The following CSNK1G3 variants were observed in gnomAD, a reference collection of about 807,000 sequenced individuals.
CSNK1G3 encodes the protein casein kinase I isoform gamma-3.
In CSNK1G3, 23 loss-of-function variants were observed where a neutral mutation model predicts 64.3. The observed-to-expected ratio is 0.36, with a 90% CI of 0.26 to 0.51. The LOEUF (loss-of-function observed/expected upper bound fraction) is 0.51, where lower values mean the gene tolerates loss of function less well. Ranked by LOEUF, CSNK1G3 falls within the 20% of genes least tolerant of loss-of-function variation. The pLI is 0.96. For synonymous variants in CSNK1G3, 158 were observed against 162.2 expected (o/e 0.97, Z 0.20); for missense variants, 357 against 510.5 (o/e 0.70, Z 2.90).
rs565586956 is a variant in CSNK1G3 at position 123,515,358 on chromosome 5, T to C, written c.-248+2788T>C. 8.5e-5 allele frequency among the ~76,000 whole-genome samples: 13 copies of C among 152,330 alleles called. No homozygotes were observed. In the South Asian group the frequency reaches 2.5e-3, roughly 29 times the overall value. ...ATTAAATAGAAGGAATGCTGAAGTA[T>C]TGAATAACAAAATATAGGTCATTGA... is the stretch of plus-strand genomic sequence containing the variant. On this transcript the variant is annotated intron_variant, in intron 1 of 12. Transcript: ENST00000345990.
intron 10 of CSNK1G3, among the ~76,000 whole-genome samples, chr5:123,591,690 A>G (rs762469821): frequency 4.6e-5 from 7 of 152,146 alleles, no homozygotes; most frequent in Non-Finnish European, 7.4e-5. Flanking sequence ...GAATTGTAAT[A>G]ACACTTGGAC....
At chr5:123,591,513 A>AT in intron 10 of CSNK1G3, 99 bp downstream of exon 10, 1 of 594,146 alleles carries the variant, frequency 1.7e-6, no homozygotes, top group Non-Finnish European at 2.8e-6. Context: ...GAAAATACAT[A>AT]TTTTTAATAG....
intron 6 of CSNK1G3, among the ~76,000 whole-genome samples, chr5:123,586,080 T>C (rs1020399820): frequency 1.3e-5 from 2 of 152,212 alleles, no homozygotes; most frequent in Non-Finnish European, 2.9e-5. Context: ...CATTGTAATA[T>C]ACTACTCAGC....
chr5:123,587,588 A>C (rs1323493150), intron 6 of CSNK1G3, among the ~76,000 whole-genome samples: 1 of 152,216 alleles, frequency 6.6e-6, no homozygotes, highest in Non-Finnish European at 1.5e-5. Flanking sequence ...TATTACACAC[A>C]ATACTCCATA....
chr5:123,512,811 G>C (rs984725030), intron 1 of CSNK1G3, among the ~76,000 whole-genome samples: 12 of 151,842 alleles, frequency 7.9e-5, no homozygotes, highest in African/African-American at 2.4e-4. Context: ...GGAGGGCTAG[G>C]GGGCAGCGGG....
At chr5:123,616,027 G>A (rs1407246676) in exon 13 of CSNK1G3, 1 of 152,006 alleles carries the variant, frequency 6.6e-6, no homozygotes, top group African/African-American at 2.4e-5. Flanking sequence ...GCACCCACAT[G>A]AACACCACAA....
At chr5:123,535,606 G>C (rs1780659602) in intron 1 of CSNK1G3, among the ~76,000 whole-genome samples, 1 of 152,192 alleles carries the variant, frequency 6.6e-6, no homozygotes, top group Non-Finnish European at 1.5e-5. Context: ...ACAGTTACCT[G>C]AATGTACTAA....
intron 1 of CSNK1G3, among the ~76,000 whole-genome samples, chr5:123,537,861 C>T (rs1016501889): frequency 2.6e-5 from 4 of 152,116 alleles, no homozygotes; most frequent in Non-Finnish European, 4.4e-5. Flanking sequence ...CCTACTTAAC[C>T]GCTGATAGGA....
rs10611933 is a variant in CSNK1G3 at position 123,583,359 on chromosome 5, G to GTT, written c.674-4692_674-4691dup. Among the ~76,000 whole-genome samples, 350 of 111,276 alleles carry GTT rather than the reference G, an allele frequency of 3.1e-3. 3 individuals are homozygous for GTT. Among genetic ancestry groups the GTT allele is most frequent in the African/African-American group, 0.01 (311 of 30,292 alleles). 73.0% of individuals were successfully genotyped at this position (111,276 alleles called of 152,430 possible). ...TGTTCGTTGTGAGTATAGAAATCCA[G>GTT]TTTTTTTTTTTTTTTTTTGAGACTG... On this transcript the variant is annotated intron_variant, in intron 6 of 12. Coordinates refer to ENST00000345990, the Ensembl canonical transcript of CSNK1G3.
intron 1 of CSNK1G3, among the ~76,000 whole-genome samples, chr5:123,534,024 G>A (rs1780400876): frequency 6.6e-6 from 1 of 151,602 alleles, no homozygotes; most frequent in Non-Finnish European, 1.5e-5. Context: ...CACGGATGGG[G>A]TTTATTGACT....
chr5:123,608,503 T>C (rs1255026167), intron 12 of CSNK1G3, among the ~76,000 whole-genome samples: 1 of 152,198 alleles, frequency 6.6e-6, no homozygotes, highest in East Asian at 1.9e-4. Context: ...CAAAATAATT[T>C]AGTTTAATTA....
rs974540191 is a variant in CSNK1G3 at position 123,598,048 on chromosome 5, C to G, written c.1086+6634C>G. On this transcript the variant is annotated intron_variant, in intron 10 of 12. Coordinates refer to ENST00000345990, the Ensembl canonical transcript of CSNK1G3. The stretch of plus-strand genomic sequence containing the variant: ...TTTTTCTTATTTTATCTCTTTAGTT[C>G]AGTCATGTTAAGTCACTAGCTAAAA... Among the ~76,000 whole-genome samples the G allele has an allele frequency of 3.3e-5, 5 of 152,210 alleles. No homozygotes were observed. In the East Asian group the frequency reaches 5.8e-4, roughly 18 times the overall value.
intron 1 of CSNK1G3, among the ~76,000 whole-genome samples, chr5:123,538,724 G>A (rs1781217146): frequency 6.6e-6 from 1 of 152,116 alleles, no homozygotes; most frequent in African/African-American, 2.4e-5. Flanking sequence ...AGAACTTAAA[G>A]TATAATAATT....
intron 3 of CSNK1G3, among the ~76,000 whole-genome samples, chr5:123,556,766 G>GTGTGTGTT (rs1784704028): frequency 3.8e-5 from 1 of 26,454 alleles, no homozygotes; most frequent in African/African-American, 3.4e-4. Context: ...GTACATGTTT[G>GTGTGTGTT]TGTGTGTGTG....
intron 5 of CSNK1G3, among the ~76,000 whole-genome samples, chr5:123,575,351 T>C (rs182767499): frequency 6.6e-6 from 1 of 152,228 alleles, no homozygotes; most frequent in Non-Finnish European, 1.5e-5. Flanking sequence ...ATTGAACTGA[T>C]AAGGAAGATT....
intron 12 of CSNK1G3, among the ~76,000 whole-genome samples, chr5:123,613,790 C>G (rs956126235): frequency 8.5e-5 from 13 of 152,078 alleles, no homozygotes; most frequent in Admixed American, 7.9e-4. Flanking sequence ...ATAGTTTTTA[C>G]CTTAACTAAA....
intron 1 of CSNK1G3, among the ~76,000 whole-genome samples, chr5:123,518,713 A>G (rs1413059600): frequency 6.6e-6 from 1 of 152,208 alleles, no homozygotes; most frequent in Admixed American, 6.5e-5. Flanking sequence ...ATCAGGAGAT[A>G]CCTTCTGCAA....
intron 6 of CSNK1G3, among the ~76,000 whole-genome samples, chr5:123,584,627 G>C (rs1790972000): frequency 1.3e-5 from 2 of 152,128 alleles, no homozygotes; most frequent in Non-Finnish European, 1.5e-5. Flanking sequence ...AATGCAGTGA[G>C]TTGGGAACTC....
intron 3 of CSNK1G3, among the ~76,000 whole-genome samples, chr5:123,555,944 G>A (rs1280516518): frequency 6.6e-6 from 1 of 152,058 alleles, no homozygotes; most frequent in Non-Finnish European, 1.5e-5. Flanking sequence ...TGTATAGAAG[G>A]CACTGTTTTA....
Sources: gnomAD v4.1 joint callset for allele counts (sites outside exome capture counted in the v4.1 genomes callset) on GRCh38, gnomAD v4.1.1 for gene constraint, MANE v1.5 for transcripts, NCBI Gene and HGNC (gene_info 2026-07-23, HGNC 2026-07-21) for gene names.